The following USP3 variants were observed in gnomAD, a reference collection of about 807,000 sequenced individuals.
The protein encoded by USP3 is ubiquitin specific peptidase 3.
A neutral mutation model predicts 72.3 loss-of-function variants in USP3; 20 were observed. The ratio of observed to expected loss-of-function variants is 0.28; its 90% confidence interval spans 0.19 to 0.40. The LOEUF is 0.40. USP3 is among the 10% of genes least tolerant of loss of function. The probability of loss-of-function intolerance (pLI) is 1.00; values close to 1 mark genes in which losing one functional copy is unlikely to be tolerated. For missense variants in USP3, 479 were observed against 633.9 expected (o/e 0.76, Z 2.62); for synonymous variants, 222 against 225.3 (o/e 0.99, Z 0.13).
chr15:63,519,020 A>C (rs898499101), intron 1 of USP3, among the ~76,000 whole-genome samples: 13 of 152,140 alleles, frequency 8.5e-5, no homozygotes, highest in Non-Finnish European at 1.9e-4. Context: ...CCGCCTCAGC[A>C]TCCCAAAGTG....
At chr15:63,583,497 A>C (rs943764526) in intron 11 of USP3, among the ~76,000 whole-genome samples, 1 of 152,212 alleles carries the variant, frequency 6.6e-6, no homozygotes, top group South Asian at 2.1e-4. Flanking sequence ...AAATATACAT[A>C]GAATAAAATG....
At chr15:63,519,963 G>A (rs78374056) in intron 1 of USP3, among the ~76,000 whole-genome samples, 12,627 of 152,028 alleles carry the variant, frequency 0.083, 597 homozygotes, top group Non-Finnish European at 0.11. Context: ...TTGGGCACGC[G>A]CCGTCATTCT....
chr15:63,539,136 A>C (rs1410088501), intron 3 of USP3, among the ~76,000 whole-genome samples: 3 of 150,910 alleles, frequency 2.0e-5, no homozygotes, highest in Admixed American at 2.0e-4. Context: ...CCTTTCCCTC[A>C]GGAAACTTAT....
intron 1 of USP3, among the ~76,000 whole-genome samples, chr15:63,519,198 C>T (rs992563973): frequency 6.6e-6 from 1 of 152,158 alleles, no homozygotes; most frequent in Non-Finnish European, 1.5e-5. Flanking sequence ...ATAGCTATTA[C>T]TCCTTTCTGT....
chr15:63,560,079 A>G, intron 7 of USP3, 109 bp downstream of exon 7: 1 of 908,716 alleles, frequency 1.1e-6, no homozygotes, highest in Non-Finnish European at 1.6e-6. Context: ...CTTAAAAAAA[A>G]TCTTCTAAAA....
chr15:63,528,864 GT>G lies in USP3; in HGVS notation c.92-3778del. On this transcript the variant is annotated intron_variant, in intron 1 of 14. Transcript: ENST00000380324. This position sits in a 1 kb window ranked among gnomAD's most constrained non-coding sequence, Gnocchi z 4.3. ...ATTGAGAGTTTAATTTAAAGCCAGT[GT>G]TTTTCAGTCTATTTTATATTTGTCC... 1 of 390,076 alleles carries G rather than the reference GT, an allele frequency of 2.6e-6. No individual in the cohort carries two copies. The highest frequency in any genetic ancestry group is 9.0e-5 in the East Asian group (1 of 11,094). The allele number at this position is 390,076 out of a possible 1,614,324, so 24.2% of individuals were successfully genotyped here. A position where few individuals can be genotyped will look rare whatever the true frequency, so the allele number is the denominator to read the frequency against.
In USP3 at chr15:63,534,037, T is replaced by A. The variant is rs888030329; in HGVS notation, c.152+1330T>A. Reference sequence around the variant, plus strand: ...CAAAAGACCTGACAAACTCAAAAATTAGAGATTAATGTTCTTAAACAACAA... The same window carrying A: ...CAAAAGACCTGACAAACTCAAAAATAAGAGATTAATGTTCTTAAACAACAA... On this transcript the variant is annotated intron_variant, in intron 2 of 14. Transcript: ENST00000380324. 17 of 234,628 alleles carry A rather than the reference T, an allele frequency of 7.2e-5. 1 individual carries two copies. The highest frequency in any genetic ancestry group is 4.2e-5 in the Non-Finnish European group (6 of 142,812). The allele number at this position is 234,628 out of a possible 1,614,324, so 14.5% of individuals were successfully genotyped here.
chr15:63,537,125 T>G lies in USP3; in HGVS notation c.253T>G (p.Cys85Gly). ...EKQDKVQHTV[C>G]MDCSSYSTYC... ...GCAAGATAAAGTTCAGCACACAGTA[T>G]GTATGGATTGCAGTAGCTACAGTAC... The change falls in exon 3 of 15, where the codon TGT becomes GGT. Residue 85 changes from cysteine (C) to glycine (G), a missense_variant. Cys to Gly is a radical substitution (Grantham distance 159, BLOSUM62 -3). Transcript: ENST00000380324. The G allele has an allele frequency of 6.2e-7, 1 of 1,614,072 alleles. No homozygotes were observed. The highest frequency in any genetic ancestry group is 8.5e-7 in the Non-Finnish European group (1 of 1,179,986).
rs1442451375 is a variant in USP3, at chr15:63,547,753, GGAGGGAGGGAGAGA to G, written c.285-5958_285-5945del. ...GAGAGAGAGAGAGAGAGGGAGGGAG[GGAGGGAGGGAGAGA>G]GAGAGAGAGAGAGAGAGAGAGAGAG... is the stretch of plus-strand genomic sequence containing the variant. On this transcript the variant is annotated intron_variant, in intron 3 of 14. Coordinates refer to ENST00000380324, the MANE Select transcript of USP3 (RefSeq NM_006537.4). Among the ~76,000 whole-genome samples the G allele has an allele frequency of 1.3e-3, 54 of 40,266 alleles. 5 individuals are homozygous for G. The highest frequency in any genetic ancestry group is 0.026 in the Middle Eastern group (1 of 38). 26.4% of individuals were successfully genotyped at this position (40,266 alleles called of 152,430 possible).
chr15:63,522,046 A>T (rs916454977), intron 1 of USP3, among the ~76,000 whole-genome samples: 1 of 151,952 alleles, frequency 6.6e-6, no homozygotes, highest in Admixed American at 6.5e-5. Flanking sequence ...CGCTCAAGTT[A>T]TTTTCCCGTT....
chr15:63,540,278 C>G (rs543718039), intron 3 of USP3, among the ~76,000 whole-genome samples: 3 of 152,192 alleles, frequency 2.0e-5, no homozygotes, highest in African/African-American at 4.8e-5. Context: ...TCTTCTCTTT[C>G]CCCAGCTCCA....
At chr15:63,571,246 G>A (rs1054026086) in intron 9 of USP3, among the ~76,000 whole-genome samples, 4 of 152,142 alleles carry the variant, frequency 2.6e-5, no homozygotes, top group African/African-American at 9.7e-5. Flanking sequence ...AGTTTCATCA[G>A]TATTGAGCTT....
intron 1 of USP3, among the ~76,000 whole-genome samples, chr15:63,511,448 C>T (rs774089474): frequency 4.0e-5 from 6 of 151,898 alleles, no homozygotes; most frequent in Non-Finnish European, 7.4e-5. Flanking sequence ...TCTTTTGTTA[C>T]CCCCCTCACC....
chr15:63,505,697 C>T (rs1489328936), intron 1 of USP3, among the ~76,000 whole-genome samples: 1 of 152,176 alleles, frequency 6.6e-6, no homozygotes, highest in Non-Finnish European at 1.5e-5. Context: ...TAAGCGACTT[C>T]TTAGGATCGC....
At chr15:63,590,545 TAAATC>T in intron 14 of USP3, 111 bp from the exon 15 acceptor site, 5 of 1,044,196 alleles carry the variant, frequency 4.8e-6, no homozygotes, top group Non-Finnish European at 6.4e-6. Flanking sequence ...ACAAGCATCT[TAAATC>T]AAAAGTCTAG....
At chr15:63,558,488 T>G (rs560655711) in intron 6 of USP3, among the ~76,000 whole-genome samples, 2 of 152,178 alleles carry the variant, frequency 1.3e-5, no homozygotes, top group African/African-American at 4.8e-5. Flanking sequence ...GTCAGCAAAC[T>G]TTTTCTGTGA....
rs1339916497 is a variant in USP3 at position 63,591,882 on chromosome 15, C to CTGTT, written c.*1057_*1060dup. 1.3e-5 allele frequency: 2 copies of CTGTT among 151,986 alleles called. No homozygotes were observed. The highest frequency in any genetic ancestry group is 1.3e-4 in the Admixed American group (2 of 15,256). The allele number at this position is 151,986 out of a possible 1,614,324, so 9.4% of individuals were successfully genotyped here. On this transcript the variant is annotated 3_prime_UTR_variant, in exon 15 of 15. Coordinates refer to ENST00000380324, the MANE Select transcript of USP3 (RefSeq NM_006537.4). ...TGATTGATAGGACAAGTTGAAAATA[C>CTGTT]TGTTGGAGTAAGTAAGTGGAGTTTT...
intron 3 of USP3, among the ~76,000 whole-genome samples, chr15:63,552,531 C>T (rs1032687312): frequency 6.6e-6 from 1 of 152,090 alleles, no homozygotes; most frequent in Non-Finnish European, 1.5e-5. Flanking sequence ...ACTTTAGACG[C>T]TCGGAGAATA....
chr15:63,561,252 G>C (rs1396287515), intron 7 of USP3, among the ~76,000 whole-genome samples: 1 of 152,196 alleles, frequency 6.6e-6, no homozygotes, highest in Non-Finnish European at 1.5e-5. Context: ...AGAGTTAGTA[G>C]TACTTGATGC....
Sources: gnomAD v4.1 joint callset for allele counts (sites outside exome capture counted in the v4.1 genomes callset) on GRCh38, gnomAD v4.1.1 for gene constraint, Gnocchi (gnomAD v3.1) non-coding constraint, MANE v1.5 for transcripts, NCBI Gene and HGNC (gene_info 2026-07-23, HGNC 2026-07-21) for gene names.